ZC3H7A: variants seen among roughly 807,000 people sequenced by gnomAD.
ZC3H7A encodes zinc finger CCCH-type containing 7A.
In ZC3H7A, 44 loss-of-function variants were observed where a neutral mutation model predicts 125.5. That is an observed-to-expected ratio of 0.35 (90% CI 0.28 to 0.45). The LOEUF (loss-of-function observed/expected upper bound fraction) is 0.45. Ranked by LOEUF, ZC3H7A falls within the 20% of genes least tolerant of loss-of-function variation. ZC3H7A has a pLI of 1.00. For missense variants in ZC3H7A, 977 were observed against 1,170.7 expected, an observed-to-expected ratio of 0.83 and a Z score of 2.41; for synonymous variants, 399 against 391.2, an observed-to-expected ratio of 1.02 and a Z score of -0.23.
At chr16:11,783,537 C>T (rs1291095228) in intron 1 of ZC3H7A, among the ~76,000 whole-genome samples, 1 of 152,118 alleles carries the variant, frequency 6.6e-6, no homozygotes, top group East Asian at 1.9e-4. Flanking sequence ...ATGCCTGTAG[C>T]CCCTCACCCC....
In ZC3H7A at chr16:11,770,938, C is replaced by T; in HGVS notation, c.953G>A (p.Ser318Asn). The T allele has an allele frequency of 6.2e-7, 1 of 1,613,710 alleles. No individual in the cohort carries two copies. The highest frequency in any genetic ancestry group is 8.5e-7 in the Non-Finnish European group (1 of 1,179,796). Residue 318 changes from serine to asparagine, a missense_variant, in exon 10 of 23, where the codon AGC (serine) becomes AAC (asparagine). Physicochemically the swap from Ser to Asn is conservative, Grantham distance 46 (BLOSUM62 1). This residue lies in a region of ZC3H7A where 342 missense variants were observed against 311.3 expected (regional missense o/e 1.10). Coordinates refer to ENST00000355758, the MANE Select transcript of ZC3H7A (RefSeq NM_014153.4). ...GPLQTASVSPSMPFSASLLGT... is the reference protein window; with the variant it reads ...GPLQTASVSPNMPFSASLLGT... ...TAACAGCGATGCCGAAAAGGGCATG[C>T]TAGGAGAGACACTGGCTGTCTGAAG... is the stretch of plus-strand genomic sequence containing the variant.
intron 15 of ZC3H7A, among the ~76,000 whole-genome samples, chr16:11,764,772 T>C (rs559791776): frequency 9.2e-5 from 14 of 152,074 alleles, no homozygotes; most frequent in South Asian, 4.2e-4. Flanking sequence ...GTTGAATTAA[T>C]TGGGGGGGGT....
chr16:11,754,943 C>T, intron 21 of ZC3H7A, among the ~76,000 whole-genome samples: 1 of 148,326 alleles, frequency 6.7e-6, no homozygotes, highest in Non-Finnish European at 1.5e-5. Context: ...GGCACAGTGG[C>T]TCATGCCTGT....
intron 1 of ZC3H7A, among the ~76,000 whole-genome samples, chr16:11,794,861 T>G (rs1231246221): frequency 2.0e-5 from 3 of 152,208 alleles, no homozygotes; most frequent in Non-Finnish European, 2.9e-5. Context: ...CATTCTTATT[T>G]GCAAAAACTG....
chr16:11,774,869 T>C, intron 8 of ZC3H7A, 111 bp downstream of exon 8: 1 of 1,255,706 alleles, frequency 8.0e-7, no homozygotes, highest in Admixed American at 2.0e-5. Context: ...ATTAATACAT[T>C]AATATGAATA....
chr16:11,759,166 G>A (rs768015198), intron 19 of ZC3H7A: 3 of 152,216 alleles, frequency 2.0e-5, no homozygotes, highest in Non-Finnish European at 4.4e-5. Flanking sequence ...GGAAAATAAA[G>A]TGATCGTGAT....
At chr16:11,779,958 G>A (rs941348733) in intron 3 of ZC3H7A, among the ~76,000 whole-genome samples, 1 of 151,574 alleles carries the variant, frequency 6.6e-6, no homozygotes, top group African/African-American at 2.4e-5. Flanking sequence ...CGGACCCCTT[G>A]TATTTCTTTT....
chr16:11,754,201 A>T (rs1404039112), intron 21 of ZC3H7A, among the ~76,000 whole-genome samples: 1 of 148,008 alleles, frequency 6.8e-6, no homozygotes, highest in African/African-American at 2.5e-5. Flanking sequence ...CTGAGGTCGG[A>T]GGATCACCTG....
chr16:11,764,281 G>T (rs1375572026), intron 15 of ZC3H7A, among the ~76,000 whole-genome samples: 1 of 152,044 alleles, frequency 6.6e-6, no homozygotes, highest in Non-Finnish European at 1.5e-5. Flanking sequence ...AGGCGTGATG[G>T]CTCACTCCTA....
Position 11,765,484 on chromosome 16 carries a change from C to T in ZC3H7A, c.1719+5G>A, listed in dbSNP as rs2052839718. On this transcript the variant is annotated splice_donor_5th_base_variant and intron_variant, in intron 14 of 22. Transcript: ENST00000355758. The surrounding 1 kb of genome is among the most constrained non-coding windows in gnomAD (Gnocchi z 4.8). ...ACAGTGGAAAATAAGTTTTGGAGAACACACCTCACAAAGGAATATAAATTC... is the reference window on the plus strand; with the variant it reads ...ACAGTGGAAAATAAGTTTTGGAGAATACACCTCACAAAGGAATATAAATTC... The T allele has an allele frequency of 2.5e-6, 4 of 1,605,580 alleles. No individual in the cohort carries two copies. Among genetic ancestry groups the T allele is most frequent in the Non-Finnish European group, 3.4e-6 (4 of 1,175,104 alleles).
At chr16:11,763,445 G>A (rs754637728) in intron 16 of ZC3H7A, 33 bp downstream of exon 16, 15 of 1,577,146 alleles carry the variant, frequency 9.5e-6, no homozygotes, top group Non-Finnish European at 1.3e-5. Flanking sequence ...CTGCTCTTGA[G>A]GAGACATACT....
intron 4 of ZC3H7A, 127 bp from the exon 5 acceptor site, chr16:11,777,036 G>A (rs745439962): frequency 1.5e-4 from 95 of 651,622 alleles, no homozygotes; most frequent in Non-Finnish European, 1.9e-4. Context: ...CAAGTTAGCA[G>A]TATTACTTTT....
At position 11,751,275 on chromosome 16, in the gene ZC3H7A, G is replaced by C; in HGVS notation, c.*42C>G. On this transcript the variant is annotated 3_prime_UTR_variant, in exon 23 of 23. Coordinates refer to ENST00000355758, the MANE Select transcript of ZC3H7A (RefSeq NM_014153.4). ...GCCTCAGAACACTTTCAATTTTTCTGGTCAATGCTCTGATTAGGTATCATA... is the reference window on the plus strand; with the variant it reads ...GCCTCAGAACACTTTCAATTTTTCTCGTCAATGCTCTGATTAGGTATCATA... 6.4e-7 allele frequency: 1 copy of C among 1,550,812 alleles called. No individual in the cohort carries two copies. The highest frequency in any genetic ancestry group is 8.7e-7 in the Non-Finnish European group (1 of 1,145,918).
intron 18 of ZC3H7A, 86 bp from the exon 19 acceptor site, chr16:11,761,597 G>C: frequency 7.3e-7 from 1 of 1,371,048 alleles, no homozygotes; most frequent in Non-Finnish European, 1.0e-6. Context: ...TTGTACCTGA[G>C]GAACCAGAGA....
rs2052540616 is a variant in ZC3H7A, at chr16:11,750,661, G to GT, written c.*655dup. ...CACTAACACAATACCAACAGTACAG[G>GT]TTTAATCTTTCAAAATCATCATTTA... On this transcript the variant is annotated 3_prime_UTR_variant, in exon 23 of 23. Coordinates refer to ENST00000355758, the MANE Select transcript of ZC3H7A (RefSeq NM_014153.4). 6.6e-6 allele frequency: 1 copy of GT among 152,526 alleles called. No homozygotes were observed. The highest frequency in any genetic ancestry group is 6.6e-5 in the Admixed American group (1 of 15,264). The allele number at this position is 152,526 out of a possible 1,614,324, so 9.4% of individuals were successfully genotyped here. A position where few individuals can be genotyped will look rare whatever the true frequency, so the allele number is the denominator to read the frequency against.
At chr16:11,754,477 G>T (rs1199587368) in intron 21 of ZC3H7A, among the ~76,000 whole-genome samples, 1 of 151,868 alleles carries the variant, frequency 6.6e-6, no homozygotes. Context: ...AATGGGCAAT[G>T]AAACTGGATC....
Position 11,751,776 on chromosome 16 carries a change from C to T in ZC3H7A, c.2727-270G>A, listed in dbSNP as rs561866359. ...GAATGTAGTAGAAAGAAATCAGAGG[C>T]GGCATCAAGGAAAAAAATGTCTTCA... On this transcript the variant is annotated intron_variant, in intron 22 of 22. Coordinates refer to ENST00000355758, the MANE Select transcript of ZC3H7A (RefSeq NM_014153.4). 2.0e-5 allele frequency among the ~76,000 whole-genome samples: 3 copies of T among 151,726 alleles called. 1 individual carries two copies. The highest frequency in any genetic ancestry group is 3.9e-4 in the East Asian group (2 of 5,180).
At chr16:11,775,159 T>A in intron 7 of ZC3H7A, 146 bp from the exon 8 acceptor site, 2 of 770,594 alleles carry the variant, frequency 2.6e-6, no homozygotes, top group Non-Finnish European at 4.2e-6. Flanking sequence ...GATCACGAGG[T>A]CAGGAGTTTG....
At chr16:11,762,815 G>C (rs925924373) in intron 16 of ZC3H7A, 68 bp from the exon 17 acceptor site, 18 of 1,487,326 alleles carry the variant, frequency 1.2e-5, no homozygotes, top group Admixed American at 1.7e-5. Flanking sequence ...TCTGGGTGCA[G>C]TCAGACGTGG....
Sources: allele counts gnomAD v4.1 joint callset (sites outside exome capture counted in the v4.1 genomes callset), GRCh38; gene constraint gnomAD v4.1.1; regional missense constraint gnomAD v4.1.1; non-coding constraint Gnocchi (gnomAD v3.1); transcripts MANE v1.5; gene names NCBI Gene and HGNC (gene_info 2026-07-23, HGNC 2026-07-21).